The following DGKZ variants were observed in gnomAD, a reference collection of about 807,000 sequenced individuals.
DGKZ encodes the protein DAG kinase zeta.
Under a neutral mutation model 142.5 loss-of-function variants are expected in DGKZ, and 45 were observed. The observed-to-expected ratio is 0.32, with a 90% CI of 0.25 to 0.40. The LOEUF (loss-of-function observed/expected upper bound fraction) is 0.40, where lower values mean the gene tolerates loss of function less well. Ranked by LOEUF, DGKZ falls within the 10% of genes least tolerant of loss-of-function variation. The pLI, the probability that DGKZ is intolerant of heterozygous loss-of-function variation, is 1.00. For synonymous variants in DGKZ, 442 were observed against 527.0 expected (o/e 0.84, Z 2.21); for missense variants, 755 against 1,306.5 (o/e 0.58, Z 6.51).
chr11:46,379,207 C>G lies in DGKZ; in HGVS notation c.2544C>G (p.Pro848=), dbSNP rs190799029. 150 of 1,613,108 alleles carry G rather than the reference C, an allele frequency of 9.3e-5. 1 individual carries two copies. In the South Asian group the frequency reaches 1.5e-3, roughly 16 times the overall value. Residue 848 remains proline, a synonymous_variant, in exon 29 of 31, where the codon CCC becomes CCG. Transcript: ENST00000527911. ...CCACCACCTCCCCTTCTCCAGCCCCCCCAGAGATCCTTGATGCGGTGGAGG... is the reference window on the plus strand; with the variant it reads ...CCACCACCTCCCCTTCTCCAGCCCCGCCAGAGATCCTTGATGCGGTGGAGG...
chr11:46,374,612 C>G (rs1565073706), exon 17 of DGKZ: 1 of 1,579,472 alleles, frequency 6.3e-7, no homozygotes, highest in East Asian at 2.2e-5. Flanking sequence ...AGACAGCTTT[C>G]TCTGACTTCC....
At chr11:46,371,673 C>A in intron 8 of DGKZ, 31 bp from the exon 9 acceptor site, 1 of 1,613,942 alleles carries the variant, frequency 6.2e-7, no homozygotes, top group Non-Finnish European at 8.5e-7. Flanking sequence ...GCCTGCCCAC[C>A]TCGTCACCAA....
intron 1 of DGKZ, among the ~76,000 whole-genome samples, chr11:46,342,036 T>C (rs2136382412): frequency 6.6e-6 from 1 of 152,258 alleles, no homozygotes; most frequent in East Asian, 1.9e-4. Flanking sequence ...GTTGCCCTGG[T>C]ACATTTCTTT....
intron 1 of DGKZ, among the ~76,000 whole-genome samples, chr11:46,342,058 C>T (rs974976217): frequency 3.9e-5 from 6 of 152,142 alleles, no homozygotes; most frequent in Admixed American, 3.3e-4. Flanking sequence ...CCCCAGCTCC[C>T]ACTTGCTCAT....
In DGKZ at chr11:46,347,645, C is replaced by A; in HGVS notation, c.-15C>A. ...CGTCTCCCGCGGGCCCTCCGCCGGCCGGGGCTAGGGCCGGATGGAGCCGCG... is the reference window on the plus strand; with the variant it reads ...CGTCTCCCGCGGGCCCTCCGCCGGCAGGGGCTAGGGCCGGATGGAGCCGCG... On this transcript the variant is annotated 5_prime_UTR_variant, in exon 1 of 31. Transcript: ENST00000527911. This position sits in a 1 kb window ranked among gnomAD's most constrained non-coding sequence, Gnocchi z 6.4. 1 of 1,294,232 alleles carries A rather than the reference C, an allele frequency of 7.7e-7. No homozygotes were observed. The highest frequency in any genetic ancestry group is 9.8e-7 in the Non-Finnish European group (1 of 1,020,174). 80.2% of individuals were successfully genotyped at this position (1,294,232 alleles called of 1,614,324 possible). A position where few individuals can be genotyped will look rare whatever the true frequency, so the allele number is the denominator to read the frequency against.
In DGKZ at chr11:46,374,498, A is replaced by ACCCGTG. The variant is rs750340065; in HGVS notation, c.1461+54_1461+59dup. On this transcript the variant is annotated intron_variant, in intron 16 of 30. Transcript: ENST00000527911. ...CCCGCCTGTGCCCACCTCTTCTACC[A>ACCCGTG]CCCGTGCCCGTGCCCACCTGTGTCC... The ACCCGTG allele has an allele frequency of 2.5e-6, 4 of 1,613,382 alleles. No homozygotes were observed. The East Asian group carries it at 8.9e-5, about 36-fold the overall frequency.
At chr11:46,333,408 G>A (rs914771108) in exon 1 of DGKZ, 1 of 1,510,818 alleles carries the variant, frequency 6.6e-7, no homozygotes, top group Non-Finnish European at 8.8e-7. Flanking sequence ...CTGGCCCGAG[G>A]GTTCCCGGGG....
chr11:46,380,152 C>T (rs1443770699), exon 31 of DGKZ: 6 of 552,496 alleles, frequency 1.1e-5, no homozygotes, highest in Non-Finnish European at 1.6e-5. Flanking sequence ...CTGAGGACCC[C>T]GCCGGACCCG....
At chr11:46,378,766 C>T in intron 27 of DGKZ, 1 of 881,996 alleles carries the variant, frequency 1.1e-6, no homozygotes, top group Non-Finnish European at 1.8e-6. Context: ...AGCACTGCTC[C>T]AGGGCTTGGT....
exon 30 of DGKZ, chr11:46,379,563 C>G (rs1447083684): frequency 3.7e-6 from 6 of 1,607,734 alleles, no homozygotes; most frequent in Admixed American, 3.4e-5. Flanking sequence ...GAAGACAGAC[C>G]AGCAGGTGAG....
intron 1 of DGKZ, chr11:46,366,785 C>T (rs1190390648): frequency 1.9e-6 from 3 of 1,548,102 alleles, no homozygotes; most frequent in East Asian, 2.4e-5. Context: ...TGACCACGCT[C>T]TCTGGGGCCT....
At chr11:46,349,019 T>C (rs1017453183) in intron 1 of DGKZ, among the ~76,000 whole-genome samples, 5 of 152,204 alleles carry the variant, frequency 3.3e-5, no homozygotes, top group African/African-American at 1.2e-4. Flanking sequence ...TACCCACCAA[T>C]AACATGGGCG....
intron 1 of DGKZ, among the ~76,000 whole-genome samples, chr11:46,360,322 ATACATAT>A (rs1942500669): frequency 6.6e-6 from 1 of 152,094 alleles, no homozygotes; most frequent in Non-Finnish European, 1.5e-5. Flanking sequence ...ATCTGATATG[ATACATAT>A]TAATAGCTGT....
rs1324370458 is a variant in DGKZ, at chr11:46,347,847, A to C, written c.161+27A>C. 1 of 1,275,918 alleles carries C rather than the reference A, an allele frequency of 7.8e-7. No individual in the cohort carries two copies. The highest frequency in any genetic ancestry group is 4.2e-5 in the Admixed American group (1 of 23,744). The allele number at this position is 1,275,918 out of a possible 1,614,324, so 79.0% of individuals were successfully genotyped here. A position where few individuals can be genotyped will look rare whatever the true frequency, so the allele number is the denominator to read the frequency against. On this transcript the variant is annotated intron_variant, in intron 1 of 30. Transcript: ENST00000527911. This position sits in a 1 kb window ranked among gnomAD's most constrained non-coding sequence, Gnocchi z 6.4. ...TGAGCGGGGCGGCGGCGGGGCAGGC[A>C]CCGAGGCACCGGCAGGTTACCGCTC... is the stretch of plus-strand genomic sequence containing the variant.
In DGKZ at chr11:46,372,382, C is replaced by G. The variant is rs377575036; in HGVS notation, c.928-46C>G. 3 of 1,599,642 alleles carry G rather than the reference C, an allele frequency of 1.9e-6. No individual in the cohort carries two copies. The Admixed American group carries it at 5.0e-5, about 27-fold the overall frequency. ...CCCTCTCCCTCTGCTGCTCCCACTT[C>G]GTCCCACCACTGCCTGACTGTCTCT... On this transcript the variant is annotated intron_variant, in intron 10 of 30. Coordinates refer to ENST00000527911, the Ensembl canonical transcript of DGKZ. The surrounding 1 kb of genome is among the most constrained non-coding windows in gnomAD (Gnocchi z 5.9).
At position 46,376,053 on chromosome 11, in the gene DGKZ, C is replaced by T. The variant is rs1455776167; in HGVS notation, c.2012-13C>T. Reference sequence around the variant, plus strand: ...GGGTGCAGCCAGCTGCTGACAGGTGCTCTGTTCTCCAGCTGTGCCGCTGGG... The same window carrying T: ...GGGTGCAGCCAGCTGCTGACAGGTGTTCTGTTCTCCAGCTGTGCCGCTGGG... On this transcript the variant is annotated splice_polypyrimidine_tract_variant and intron_variant, in intron 21 of 30. Coordinates refer to ENST00000527911, the Ensembl canonical transcript of DGKZ. 32 of 1,612,036 alleles carry T rather than the reference C, an allele frequency of 2.0e-5. No individual in the cohort carries two copies. The highest frequency in any genetic ancestry group is 2.7e-5 in the African/African-American group (2 of 74,902).
At chr11:46,362,942 A>G (rs901996) in intron 1 of DGKZ, among the ~76,000 whole-genome samples, 7,872 of 152,208 alleles carry the variant, frequency 0.052, 659 homozygotes, top group African/African-American at 0.17. Context: ...AGAGCCGGCC[A>G]AGGGTTGATG....
At position 46,361,895 on chromosome 11, in the gene DGKZ, C is replaced by G. The variant is rs565788472; in HGVS notation, c.162-5396C>G. 1.4e-3 allele frequency: 218 copies of G among 156,524 alleles called. 1 individual carries two copies. The highest frequency in any genetic ancestry group is 2.6e-3 in the Non-Finnish European group (189 of 71,868). 9.7% of individuals were successfully genotyped at this position (156,524 alleles called of 1,614,324 possible). On this transcript the variant is annotated intron_variant, in intron 1 of 30. Coordinates refer to ENST00000527911, the Ensembl canonical transcript of DGKZ. ...GAGCTCCTGCTGAGCCAGGGCAGAC[C>G]CTGCCGACTAAACACTCACTGGCCT...
In DGKZ at chr11:46,376,634, T is replaced by C. The variant is rs953125685; in HGVS notation, c.2202+70T>C. 40 of 1,593,026 alleles carry C rather than the reference T, an allele frequency of 2.5e-5. No individual in the cohort carries two copies. The African/African-American group carries it at 5.2e-4, about 21-fold the overall frequency. On this transcript the variant is annotated intron_variant, in intron 24 of 30. Transcript: ENST00000527911. Reference sequence around the variant, plus strand: ...CCAGGGTCGCCTCTCCTGGGACGCCTTCCCTGTTAGCTCCCCCGATGGGCT... The same window carrying C: ...CCAGGGTCGCCTCTCCTGGGACGCCCTCCCTGTTAGCTCCCCCGATGGGCT...
Sources: gnomAD v4.1 joint callset for allele counts (sites outside exome capture counted in the v4.1 genomes callset) on GRCh38, gnomAD v4.1.1 for gene constraint, Gnocchi (gnomAD v3.1) non-coding constraint, MANE v1.5 for transcripts, NCBI Gene and HGNC (gene_info 2026-07-23, HGNC 2026-07-21) for gene names.